Variants in PCSK5 observed in about 807,000 individuals in gnomAD.
PCSK5 encodes the protein proprotein convertase subtilisin/kexin type 5.
In PCSK5, 129 loss-of-function variants were observed where a neutral mutation model predicts 233.2. The observed-to-expected ratio is 0.55, with a 90% CI of 0.48 to 0.64. PCSK5 has a LOEUF of 0.64. Ranked by LOEUF, PCSK5 falls within the 30% of genes least tolerant of loss-of-function variation. The pLI, the probability that PCSK5 is intolerant of heterozygous loss-of-function variation, is 0.00. For synonymous variants in PCSK5, 825 were observed against 879.2 expected (o/e 0.94, Z 1.09); for missense variants, 2,076 against 2,430.1 (o/e 0.85, Z 3.06).
At chr9:76,283,980 AT>A (rs1423622247) in intron 24 of PCSK5, among the ~76,000 whole-genome samples, 10 of 152,208 alleles carry the variant, frequency 6.6e-5, no homozygotes, top group Non-Finnish European at 1.2e-4. Context: ...TCTGGTTACA[AT>A]CTTAAGGAAC....
intron 10 of PCSK5, among the ~76,000 whole-genome samples, chr9:76,143,605 G>A (rs1026343762): frequency 6.6e-6 from 1 of 152,038 alleles, no homozygotes; most frequent in Non-Finnish European, 1.5e-5. Context: ...ATCTTAGTAT[G>A]CAATTATGTA....
At chr9:75,992,649 T>C (rs1025507731) in intron 3 of PCSK5, among the ~76,000 whole-genome samples, 1 of 152,172 alleles carries the variant, frequency 6.6e-6, no homozygotes, top group African/African-American at 2.4e-5. Flanking sequence ...CAGAAGTGTT[T>C]CTATTTGACT....
rs553675705 is a variant in PCSK5 at position 76,042,546 on chromosome 9, TA to T, written c.632+15510del. ...GGCATGTGCCTGTAATCCCAGCTAC[TA>T]GGGGGGGCTGAGGTGGGAGAATAGC... On this transcript the variant is annotated intron_variant, in intron 5 of 37. Transcript: ENST00000674117. 3.1e-3 allele frequency among the ~76,000 whole-genome samples: 470 copies of T among 152,222 alleles called. 3 individuals carry two copies. The highest frequency in any genetic ancestry group is 0.011 in the African/African-American group (437 of 41,534).
intron 9 of PCSK5, among the ~76,000 whole-genome samples, chr9:76,123,710 CAAAAT>C (rs893118249): frequency 1.6e-4 from 24 of 152,228 alleles, no homozygotes; most frequent in African/African-American, 3.4e-4. Context: ...ATTCATAAAT[CAAAAT>C]AAAACTTTAA....
intron 5 of PCSK5, among the ~76,000 whole-genome samples, chr9:76,039,736 G>A (rs1030488469): frequency 5.3e-5 from 8 of 152,264 alleles, no homozygotes; most frequent in African/African-American, 1.7e-4. Context: ...CCTGTGAGCC[G>A]TTCTACAGCT....
At chr9:75,932,695 T>C (rs1823865570) in intron 2 of PCSK5, among the ~76,000 whole-genome samples, 1 of 152,022 alleles carries the variant, frequency 6.6e-6, no homozygotes, top group Non-Finnish European at 1.5e-5. Context: ...AGTTGTAGAG[T>C]AGCCCAGGGG....
intron 35 of PCSK5, 124 bp from the exon 36 acceptor site, chr9:76,350,704 C>A: frequency 1.5e-6 from 1 of 659,572 alleles, no homozygotes; most frequent in Non-Finnish European, 2.7e-6. Context: ...TTTTCGTATC[C>A]TCAATCAATT....
chr9:75,902,434 C>G (rs989971899), intron 1 of PCSK5, among the ~76,000 whole-genome samples: 1 of 151,878 alleles, frequency 6.6e-6, no homozygotes, highest in Admixed American at 6.6e-5. Context: ...GTGGCCATAG[C>G]GGCTTTACAA....
intron 5 of PCSK5, among the ~76,000 whole-genome samples, chr9:76,033,820 A>G (rs1223468853): frequency 6.6e-6 from 1 of 152,054 alleles, no homozygotes; most frequent in Non-Finnish European, 1.5e-5. Context: ...GGCCTCTTTA[A>G]AAGGGCACTA....
At chr9:76,014,204 G>A (rs754700544) in intron 3 of PCSK5, among the ~76,000 whole-genome samples, 26 of 152,054 alleles carry the variant, frequency 1.7e-4, no homozygotes, top group Non-Finnish European at 2.8e-4. Context: ...AAGAATGAGA[G>A]GTGCTTACTG....
chr9:76,043,932 T>G (rs1296872405), intron 5 of PCSK5, among the ~76,000 whole-genome samples: 1 of 151,754 alleles, frequency 6.6e-6, no homozygotes, highest in Admixed American at 6.6e-5. Context: ...AATCAGTCAG[T>G]CTTTCTCTCT....
At chr9:76,100,009 G>A (rs1158311009) in intron 8 of PCSK5, among the ~76,000 whole-genome samples, 1 of 152,124 alleles carries the variant, frequency 6.6e-6, no homozygotes, top group Non-Finnish European at 1.5e-5. Context: ...ACTTGTTCTG[G>A]ACAAAATGAC....
chr9:76,107,862 A>C (rs1412112247), intron 9 of PCSK5, among the ~76,000 whole-genome samples: 3 of 152,210 alleles, frequency 2.0e-5, no homozygotes, highest in African/African-American at 7.2e-5. Flanking sequence ...ATTACTGTGA[A>C]AGACCCCTTT....
At chr9:76,321,357 C>A in intron 30 of PCSK5, 65 bp from the exon 31 acceptor site, 1 of 871,746 alleles carries the variant, frequency 1.1e-6, no homozygotes, top group Non-Finnish European at 1.9e-6. Context: ...ATTCCTTTTC[C>A]CCAGGAATGA....
Position 76,296,251 on chromosome 9 carries a change from C to T in PCSK5, c.3323-414C>T, listed in dbSNP as rs942509534. Among the ~76,000 whole-genome samples, 4 of 152,318 alleles carry T rather than the reference C, an allele frequency of 2.6e-5. No individual in the cohort carries two copies. In the South Asian group the frequency reaches 8.3e-4, roughly 32 times the overall value. On this transcript the variant is annotated intron_variant, in intron 26 of 37. Transcript: ENST00000674117. ...AAGTGCTGGGATTACAAGCATGAGC[C>T]ACCTCGCCCGACCTGGATTTATTAA...
chr9:76,309,998 AG>A (rs1828817629), intron 29 of PCSK5, among the ~76,000 whole-genome samples: 1 of 152,146 alleles, frequency 6.6e-6, no homozygotes, highest in African/African-American at 2.4e-5. Context: ...CTGTAATGCC[AG>A]CACTTTAGGA....
At chr9:76,064,210 G>A (rs1416198688) in intron 5 of PCSK5, among the ~76,000 whole-genome samples, 20 of 113,326 alleles carry the variant, frequency 1.8e-4, no homozygotes, top group Admixed American at 3.2e-4. Context: ...CCTCCCGGAC[G>A]GGGCGGCTGG....
chr9:76,304,530 C>T (rs369907883), intron 28 of PCSK5, among the ~76,000 whole-genome samples: 7 of 152,106 alleles, frequency 4.6e-5, no homozygotes, highest in African/African-American at 7.2e-5. Flanking sequence ...CAATTTACTG[C>T]GCCCCTATGT....
chr9:75,924,773 G>A (rs1325680257), intron 1 of PCSK5, among the ~76,000 whole-genome samples: 2 of 152,154 alleles, frequency 1.3e-5, no homozygotes, highest in Non-Finnish European at 2.9e-5. Flanking sequence ...TCTCTGGGTA[G>A]CTGTAGTTTT....
Sources: allele counts gnomAD v4.1 joint callset (sites outside exome capture counted in the v4.1 genomes callset), GRCh38; gene constraint gnomAD v4.1.1; transcripts MANE v1.5; gene names NCBI Gene and HGNC (gene_info 2026-07-23, HGNC 2026-07-21).